The following NRXN3 variants were observed in gnomAD, a reference collection of about 807,000 sequenced individuals.
NRXN3 encodes neurexin 3.
In NRXN3, 32 loss-of-function variants were observed where a neutral mutation model predicts 137.6. The observed-to-expected ratio is 0.23, with a 90% CI of 0.18 to 0.31. The LOEUF is 0.31. Among genes scored for constraint, NRXN3 ranks in the 10% least tolerant of loss-of-function variants. The pLI, the probability that NRXN3 is intolerant of heterozygous loss-of-function variation, is 1.00. For synonymous variants in NRXN3, 798 were observed against 784.5 expected (o/e 1.02, Z -0.29); for missense variants, 1,574 against 2,062.5 (o/e 0.76, Z 4.59).
chr14:78,991,120 G>A (rs759084848), intron 15 of NRXN3, among the ~76,000 whole-genome samples: 4 of 152,188 alleles, frequency 2.6e-5, no homozygotes, highest in Non-Finnish European at 5.9e-5. Context: ...GCAAAAAGTG[G>A]TGGGGGAAAT....
At chr14:78,380,396 A>G (rs1365266064) in intron 4 of NRXN3, among the ~76,000 whole-genome samples, 2 of 151,894 alleles carry the variant, frequency 1.3e-5, no homozygotes, top group Non-Finnish European at 2.9e-5. Context: ...GTCTTTGCAG[A>G]TGTAATTATT....
At chr14:78,550,844 C>T (rs1051853299) in intron 4 of NRXN3, among the ~76,000 whole-genome samples, 2 of 152,286 alleles carry the variant, frequency 1.3e-5, no homozygotes, top group Middle Eastern at 3.4e-3. Flanking sequence ...CATATCTATA[C>T]TGCCATGCTG....
intron 5 of NRXN3, among the ~76,000 whole-genome samples, chr14:78,648,084 C>T (rs2097704471): frequency 1.3e-5 from 2 of 152,160 alleles, no homozygotes; most frequent in Admixed American, 1.3e-4. Context: ...TGCCTTTAAG[C>T]CAGGTCAGGA....
At chr14:78,836,583 T>C (rs1234289792) in intron 10 of NRXN3, among the ~76,000 whole-genome samples, 1 of 152,154 alleles carries the variant, frequency 6.6e-6, no homozygotes, top group East Asian at 1.9e-4. Context: ...TTTAAATGTA[T>C]ATTTTTTTAA....
chr14:79,262,389 G>A (rs558055236), intron 15 of NRXN3, among the ~76,000 whole-genome samples: 13 of 151,070 alleles, frequency 8.6e-5, no homozygotes, highest in Non-Finnish European at 1.5e-4. Flanking sequence ...AGAGGGAGAA[G>A]GAAGAAGAAA....
At chr14:78,767,797 T>C (rs1339417247) in intron 8 of NRXN3, among the ~76,000 whole-genome samples, 10 of 152,150 alleles carry the variant, frequency 6.6e-5, no homozygotes, top group African/African-American at 2.4e-4. Flanking sequence ...TAACACCTAT[T>C]CACCATTCTT....
intron 1 of NRXN3, among the ~76,000 whole-genome samples, chr14:78,225,448 T>C (rs554955197): frequency 1.3e-5 from 2 of 152,044 alleles, no homozygotes; most frequent in South Asian, 4.2e-4. Flanking sequence ...GATGGGGTTG[T>C]TTGTTTTTTT....
At chr14:79,294,362 T>C (rs2153464087) in intron 15 of NRXN3, among the ~76,000 whole-genome samples, 1 of 152,278 alleles carries the variant, frequency 6.6e-6, no homozygotes, top group South Asian at 2.1e-4. Flanking sequence ...GTATTCAAAG[T>C]TTTGGCCAGT....
intron 10 of NRXN3, among the ~76,000 whole-genome samples, chr14:78,855,626 T>C (rs989366892): frequency 6.6e-6 from 1 of 152,180 alleles, no homozygotes; most frequent in African/African-American, 2.4e-5. Context: ...CTGTTTTCTA[T>C]CAAATTCTAA....
At chr14:78,526,773 G>A (rs1306515585) in intron 4 of NRXN3, 1 of 517,780 alleles carries the variant, frequency 1.9e-6, no homozygotes, top group East Asian at 5.5e-5. Flanking sequence ...CAGGAAAGCT[G>A]AGTTGGACTA....
chr14:79,132,020 C>A (rs2057579955), intron 15 of NRXN3, among the ~76,000 whole-genome samples: 1 of 152,268 alleles, frequency 6.6e-6, no homozygotes, highest in Admixed American at 6.5e-5. Context: ...TGAGGCAATG[C>A]CTCGCCCTGC....
At chr14:79,571,437 G>T (rs538438333) in intron 16 of NRXN3, among the ~76,000 whole-genome samples, 1 of 152,216 alleles carries the variant, frequency 6.6e-6, no homozygotes, top group Non-Finnish European at 1.5e-5. Flanking sequence ...TAACAACCTT[G>T]CTAACATATG....
At chr14:78,543,835 A>G (rs2096613977) in intron 4 of NRXN3, among the ~76,000 whole-genome samples, 1 of 152,148 alleles carries the variant, frequency 6.6e-6, no homozygotes, top group African/African-American at 2.4e-5. Context: ...TAGCCTCTTC[A>G]GGGTAGAGTA....
At chr14:79,791,916 A>C (rs1038872367) in intron 19 of NRXN3, among the ~76,000 whole-genome samples, 2 of 152,164 alleles carry the variant, frequency 1.3e-5, no homozygotes, top group East Asian at 3.9e-4. Context: ...GGATATTGAC[A>C]ATGTCTGCAA....
At chr14:78,203,260 C>T (rs1483778878) in intron 1 of NRXN3, among the ~76,000 whole-genome samples, 1 of 152,194 alleles carries the variant, frequency 6.6e-6, no homozygotes, top group Non-Finnish European at 1.5e-5. Flanking sequence ...CACCCCCAAC[C>T]CCCATGTGAG....
At chr14:78,506,531 A>T (rs2153783781) in intron 4 of NRXN3, among the ~76,000 whole-genome samples, 1 of 152,164 alleles carries the variant, frequency 6.6e-6, no homozygotes, top group African/African-American at 2.4e-5. Context: ...CATTCCTACC[A>T]ACAGTATACA....
At chr14:78,759,541 T>G (rs1265688354) in intron 8 of NRXN3, among the ~76,000 whole-genome samples, 1 of 152,198 alleles carries the variant, frequency 6.6e-6, no homozygotes. Flanking sequence ...TTTCCTCATT[T>G]GTGTCACACA....
intron 4 of NRXN3, among the ~76,000 whole-genome samples, chr14:78,423,408 A>G (rs1357452804): frequency 6.6e-6 from 1 of 152,154 alleles, no homozygotes; most frequent in African/African-American, 2.4e-5. Flanking sequence ...ACAGCCTGCT[A>G]GGAGCGCTTA....
chr14:78,983,879 AAAAG>A (rs2099496095), intron 14 of NRXN3, among the ~76,000 whole-genome samples: 2 of 151,664 alleles, frequency 1.3e-5, no homozygotes, highest in Non-Finnish European at 2.9e-5. Context: ...AAAAGAAAAA[AAAAG>A]AAAAAAAGGC....
Sources: allele counts gnomAD v4.1 joint callset (sites outside exome capture counted in the v4.1 genomes callset), GRCh38; gene constraint gnomAD v4.1.1; transcripts MANE v1.5; gene names NCBI Gene and HGNC (gene_info 2026-07-23, HGNC 2026-07-21).